Variants in FREM1 observed in about 807,000 individuals in gnomAD.
FREM1 encodes FRAS1-related extracellular matrix protein 1.
A neutral mutation model predicts 210.1 loss-of-function variants in FREM1; 220 were observed. The observed-to-expected ratio is 1.05, with a 90% CI of 0.94 to 1.17. The LOEUF is 1.17. Among genes scored for constraint, FREM1 ranks in the 50% most tolerant of loss-of-function variants. The pLI is 0.00. For missense variants in FREM1, 3,454 were observed against 2,675.5 expected (o/e 1.29, Z -6.42); for synonymous variants, 1,189 against 980.2 (o/e 1.21, Z -3.98).
At chr9:14,741,698 G>C (rs1841607922) in intron 35 of FREM1, among the ~76,000 whole-genome samples, 1 of 152,222 alleles carries the variant, frequency 6.6e-6, no homozygotes, top group African/African-American at 2.4e-5. Context: ...GAGCATGAGA[G>C]ACTAGGATTC....
chr9:14,805,999 G>A (rs1045570431), intron 18 of FREM1, among the ~76,000 whole-genome samples: 2 of 152,166 alleles, frequency 1.3e-5, no homozygotes, highest in African/African-American at 4.8e-5. Context: ...CTAAAAGGTT[G>A]TGAGAATGAG....
At chr9:14,863,945 TG>T in intron 2 of FREM1, 42 bp from the exon 3 acceptor site, 1 of 1,270,510 alleles carries the variant, frequency 7.9e-7, no homozygotes, top group Non-Finnish European at 1.1e-6. Flanking sequence ...ATGAGAAAAT[TG>T]GTACAAGATT....
chr9:14,797,463 A>G (rs538771563), intron 21 of FREM1, 35 bp downstream of exon 21: 1 of 1,557,620 alleles, frequency 6.4e-7, no homozygotes, highest in Admixed American at 1.8e-5. Context: ...AGAATTGTAT[A>G]GAAATCTGAA....
chr9:14,845,656 T>G (rs1826475481), intron 8 of FREM1, among the ~76,000 whole-genome samples: 1 of 152,118 alleles, frequency 6.6e-6, no homozygotes, highest in Admixed American at 6.5e-5. Context: ...CATTCTGTCC[T>G]CCAACTGGGA....
intron 35 of FREM1, among the ~76,000 whole-genome samples, chr9:14,743,704 A>G (rs1039901674): frequency 2.6e-5 from 4 of 152,112 alleles, no homozygotes; most frequent in African/African-American, 4.8e-5. Context: ...TCTACATTTT[A>G]TCAACAAATC....
intron 3 of FREM1, among the ~76,000 whole-genome samples, chr9:14,862,731 C>A (rs995709056): frequency 6.6e-6 from 1 of 152,174 alleles, no homozygotes; most frequent in African/African-American, 2.4e-5. Flanking sequence ...TGGAACAATA[C>A]AATATGTGAC....
At chr9:14,765,006 GTGAACCTTCA>G (rs1846135828) in intron 27 of FREM1, among the ~76,000 whole-genome samples, 3 of 152,304 alleles carry the variant, frequency 2.0e-5, no homozygotes, top group African/African-American at 7.2e-5. Flanking sequence ...AAGGGGTTAA[GTGAACCTTCA>G]TGAATTCTCA....
At chr9:14,813,153 CA>C in intron 15 of FREM1, 89 bp from the exon 16 acceptor site, 1 of 1,331,106 alleles carries the variant, frequency 7.5e-7, no homozygotes, top group Non-Finnish European at 1.0e-6. Context: ...GTCAGAATGA[CA>C]GGCATTTTCA....
intron 1 of FREM1, among the ~76,000 whole-genome samples, chr9:14,872,227 G>C (rs1832810946): frequency 6.6e-6 from 1 of 152,120 alleles, no homozygotes; most frequent in Non-Finnish European, 1.5e-5. Flanking sequence ...AGCTTGATGG[G>C]TATGGCATTG....
At chr9:14,888,412 A>G (rs1165783521) in intron 1 of FREM1, among the ~76,000 whole-genome samples, 1 of 152,180 alleles carries the variant, frequency 6.6e-6, no homozygotes, top group East Asian at 1.9e-4. Flanking sequence ...TTTTATTCCT[A>G]TAGTATGCAG....
intron 6 of FREM1, among the ~76,000 whole-genome samples, chr9:14,850,702 C>T (rs1827553300): frequency 6.6e-6 from 1 of 152,116 alleles, no homozygotes; most frequent in South Asian, 2.1e-4. Context: ...ACATCCTGCA[C>T]ATGTACCCCA....
intron 1 of FREM1, 30 bp from the exon 2 acceptor site, chr9:14,869,274 G>C: frequency 3.2e-6 from 1 of 315,056 alleles, no homozygotes; most frequent in East Asian, 5.0e-5. Flanking sequence ...TTGGAGTAAA[G>C]CGAGAGAGAG....
chr9:14,784,219 A>C, intron 24 of FREM1, 151 bp downstream of exon 24: 1 of 635,894 alleles, frequency 1.6e-6, no homozygotes, highest in Non-Finnish European at 2.4e-6. Flanking sequence ...TAAAAAACAA[A>C]TTTCATTCTA....
rs570380394 is a variant in FREM1, at chr9:14,885,066, A to G, written c.-267-15822T>C. On this transcript the variant is annotated intron_variant, in intron 1 of 36. Transcript: ENST00000380880. ...CAGCCCCCCGAGTGGCTGGGACTAC[A>G]GCTGCCCGCCACCGCGCCCGGCTAA... Among the ~76,000 whole-genome samples, 16 of 145,992 alleles carry G rather than the reference A, an allele frequency of 1.1e-4. 2 individuals carry two copies. Among genetic ancestry groups the G allele is most frequent in the African/African-American group, 4.2e-4 (16 of 37,710 alleles).
Position 14,748,613 on chromosome 9 carries a change from T to C in FREM1, c.5584A>G (p.Asn1862Asp). The C allele has an allele frequency of 6.2e-7, 1 of 1,613,450 alleles. No individual in the cohort carries two copies. ...TCCCATGTGCTGTGCTTGCTTTGGT[T>C]GGAGGAATATGAAGGATGGCATTGT... Reference protein sequence around the residue: ...GGQCHPSYSSNQSKHSTWEKG... With the variant: ...GGQCHPSYSSDQSKHSTWEKG... The change falls in exon 31 of 37, where the codon AAC becomes GAC. Residue 1862 changes from asparagine to aspartate, a missense_variant. Physicochemically the swap from Asn to Asp is conservative, Grantham distance 23 (BLOSUM62 1). Coordinates refer to ENST00000380880, the MANE Select transcript of FREM1 (RefSeq NM_001379081.2).
rs763173968 is a variant in FREM1, at chr9:14,740,213, A to G, written c.6276T>C (p.Thr2092=). 6.2e-6 allele frequency: 10 copies of G among 1,612,956 alleles called. No individual in the cohort carries two copies. The highest frequency in any genetic ancestry group is 8.5e-6 in the Non-Finnish European group (10 of 1,179,330). The change falls in exon 36 of 37, where the codon ACT becomes ACC. Residue 2092 remains threonine, a synonymous_variant. Coordinates refer to ENST00000380880, the MANE Select transcript of FREM1 (RefSeq NM_001379081.2). Reference sequence around the variant, plus strand: ...ACCGCATGTGCTGCCTGGAGAATACAGTTACAAGGTTGCCCAGGTATCTAA... The same window carrying G: ...ACCGCATGTGCTGCCTGGAGAATACGGTTACAAGGTTGCCCAGGTATCTAA... ...CREQYLGNLV[T]VFSRQHMRWL...
chr9:14,848,862 A>C lies in FREM1; in HGVS notation c.1153-89T>G, dbSNP rs1174814293. 5.8e-6 allele frequency: 4 copies of C among 690,172 alleles called. No individual in the cohort carries two copies. The African/African-American group carries it at 7.0e-5, about 12-fold the overall frequency. The allele number at this position is 690,172 out of a possible 1,614,324, so 42.8% of individuals were successfully genotyped here. ...TCTGGGTTATACCCACACACAGTGG[A>C]TTCAGTTTTCTGCGGGGATTCACAT... On this transcript the variant is annotated intron_variant, in intron 6 of 36. Coordinates refer to ENST00000380880, the MANE Select transcript of FREM1 (RefSeq NM_001379081.2).
chr9:14,853,229 C>G (rs1324093700), intron 5 of FREM1, among the ~76,000 whole-genome samples: 5 of 152,116 alleles, frequency 3.3e-5, no homozygotes, highest in Non-Finnish European at 7.3e-5. Context: ...ATGGCTGTGC[C>G]AAAATCAGTC....
At chr9:14,851,146 G>T in intron 6 of FREM1, 138 bp downstream of exon 6, 2 of 669,588 alleles carry the variant, frequency 3.0e-6, no homozygotes, top group African/African-American at 1.8e-5. Context: ...TGGGCAGTGA[G>T]TGTGCATCCT....
Sources: allele counts gnomAD v4.1 joint callset (sites outside exome capture counted in the v4.1 genomes callset), GRCh38; gene constraint gnomAD v4.1.1; transcripts MANE v1.5; gene names NCBI Gene and HGNC (gene_info 2026-07-23, HGNC 2026-07-21).